The following NMNAT2 variants were observed in gnomAD, a reference collection of about 807,000 sequenced individuals.
NMNAT2 encodes the protein nicotinamide nucleotide adenylyltransferase 2, also known as nicotinamide/nicotinic acid mononucleotide adenylyltransferase 2.
Under a neutral mutation model 41.6 loss-of-function variants are expected in NMNAT2, and 11 were observed. The observed-to-expected ratio is 0.26, with a 90% CI of 0.17 to 0.44. The LOEUF (loss-of-function observed/expected upper bound fraction) is 0.44, where lower values mean the gene tolerates loss of function less well. Ranked by LOEUF, NMNAT2 falls within the 20% of genes least tolerant of loss-of-function variation. The pLI is 1.00. For missense variants in NMNAT2, 288 were observed against 407.7 expected (o/e 0.71, Z 2.53); for synonymous variants, 148 against 151.2 (o/e 0.98, Z 0.16).
chr1:183,364,166 G>A (rs1367193533), intron 1 of NMNAT2, among the ~76,000 whole-genome samples: 3 of 152,232 alleles, frequency 2.0e-5, no homozygotes, highest in African/African-American at 7.2e-5. Flanking sequence ...CAAGTACTAT[G>A]TGCAAGACCT....
intron 1 of NMNAT2, among the ~76,000 whole-genome samples, chr1:183,398,063 T>A (rs1214790368): frequency 1.3e-5 from 2 of 152,214 alleles, no homozygotes; most frequent in African/African-American, 4.8e-5. Context: ...CATAACAACA[T>A]TAACCTTAAA....
At chr1:183,281,857 T>C (rs1166118228) in intron 7 of NMNAT2, among the ~76,000 whole-genome samples, 2 of 152,206 alleles carry the variant, frequency 1.3e-5, no homozygotes, top group East Asian at 3.9e-4. Context: ...AGGGGACACG[T>C]GAGCCCCAGC....
At chr1:183,418,014 G>T (rs547497158) in intron 1 of NMNAT2, among the ~76,000 whole-genome samples, 169 bp downstream of exon 1, 1 of 152,034 alleles carries the variant, frequency 6.6e-6, no homozygotes, top group Non-Finnish European at 1.5e-5. Flanking sequence ...CGCAGTCTGC[G>T]TACCCTCCCC....
chr1:183,369,228 T>C (rs1162136340), intron 1 of NMNAT2, among the ~76,000 whole-genome samples: 1 of 151,888 alleles, frequency 6.6e-6, no homozygotes, highest in Non-Finnish European at 1.5e-5. Context: ...CCAAATCCTT[T>C]GAGGAAGGTA....
intron 8 of NMNAT2, among the ~76,000 whole-genome samples, chr1:183,265,864 T>C (rs1423828393): frequency 6.6e-6 from 1 of 152,182 alleles, no homozygotes; most frequent in African/African-American, 2.4e-5. Flanking sequence ...TTATCCTGGG[T>C]TATCTGGGCA....
rs145423975 is a variant in NMNAT2 at position 183,404,790 on chromosome 1, G to T, written c.85+13393C>A. On this transcript the variant is annotated intron_variant, in intron 1 of 10. Transcript: ENST00000287713. ...GGAAGCATTATTATATCTGCTCAAA[G>T]AAAGGAATTAGACATCTTCCCATAC... 1.2e-3 allele frequency among the ~76,000 whole-genome samples: 176 copies of T among 152,344 alleles called. 1 individual carries two copies. The highest frequency in any genetic ancestry group is 3.7e-3 in the African/African-American group (154 of 41,576).
At chr1:183,339,842 A>G (rs749925030) in intron 1 of NMNAT2, among the ~76,000 whole-genome samples, 8 of 152,158 alleles carry the variant, frequency 5.3e-5, no homozygotes, top group Non-Finnish European at 8.8e-5. Flanking sequence ...GAGGTCCTGA[A>G]GGAGCTATGT....
intron 1 of NMNAT2, among the ~76,000 whole-genome samples, chr1:183,336,313 C>T (rs1662676724): frequency 6.6e-6 from 1 of 152,196 alleles, no homozygotes; most frequent in South Asian, 2.1e-4. Context: ...CCAATAACCA[C>T]ATGACAAAGT....
At chr1:183,400,618 C>G (rs1452757808) in intron 1 of NMNAT2, among the ~76,000 whole-genome samples, 1 of 152,104 alleles carries the variant, frequency 6.6e-6, no homozygotes, top group Non-Finnish European at 1.5e-5. Flanking sequence ...CAATCCTAAG[C>G]CAAAAGAACA....
At chr1:183,253,855 G>T (rs1558105756) in intron 10 of NMNAT2, among the ~76,000 whole-genome samples, 1 of 151,976 alleles carries the variant, frequency 6.6e-6, no homozygotes, top group Non-Finnish European at 1.5e-5. Flanking sequence ...TAGCCAAGTT[G>T]TGGCAAGTGG....
chr1:183,375,256 A>C (rs151298606), intron 1 of NMNAT2, among the ~76,000 whole-genome samples: 3 of 152,206 alleles, frequency 2.0e-5, no homozygotes, highest in Non-Finnish European at 1.5e-5. Context: ...ACCCATGGCC[A>C]GTGCTTCCCT....
intron 1 of NMNAT2, among the ~76,000 whole-genome samples, chr1:183,409,424 C>T (rs1185530025): frequency 1.3e-5 from 2 of 152,152 alleles, no homozygotes; most frequent in African/African-American, 2.4e-5. Context: ...TCAAGCCATC[C>T]TCCCACCTCA....
At chr1:183,417,339 A>G (rs1462404938) in intron 1 of NMNAT2, among the ~76,000 whole-genome samples, 1 of 151,252 alleles carries the variant, frequency 6.6e-6, no homozygotes, top group African/African-American at 2.4e-5. Flanking sequence ...CCCTCCCCCC[A>G]ACACGCACAC....
chr1:183,304,695 G>C (rs377096918), intron 1 of NMNAT2: 85 of 1,613,956 alleles, frequency 5.3e-5, no homozygotes, highest in Non-Finnish European at 6.9e-5. Context: ...ACACTTCCCA[G>C]AGCCCCTGGC....
At chr1:183,405,732 A>G (rs1648938586) in intron 1 of NMNAT2, among the ~76,000 whole-genome samples, 2 of 152,194 alleles carry the variant, frequency 1.3e-5, no homozygotes, top group Admixed American at 1.3e-4. Flanking sequence ...ACTTCAAGAG[A>G]ACTTGTTTTA....
chr1:183,295,842 T>C (rs968619149), intron 1 of NMNAT2, among the ~76,000 whole-genome samples: 1 of 152,198 alleles, frequency 6.6e-6, no homozygotes, highest in East Asian at 1.9e-4. Flanking sequence ...CATGGCTCGA[T>C]AGCTCATTTC....
At chr1:183,410,555 T>C (rs1649088151) in intron 1 of NMNAT2, among the ~76,000 whole-genome samples, 1 of 151,932 alleles carries the variant, frequency 6.6e-6, no homozygotes, top group Non-Finnish European at 1.5e-5. Context: ...CTAAAAAAAA[T>C]GCTGGGTCAG....
intron 10 of NMNAT2, among the ~76,000 whole-genome samples, chr1:183,255,718 C>T (rs1023844399): frequency 1.4e-5 from 2 of 143,050 alleles, no homozygotes; most frequent in African/African-American, 5.2e-5. Flanking sequence ...GGCAGGCATG[C>T]AATGGTGTGA....
intron 1 of NMNAT2, among the ~76,000 whole-genome samples, chr1:183,315,730 G>A (rs1435732723): frequency 1.3e-5 from 2 of 148,824 alleles, no homozygotes; most frequent in African/African-American, 2.5e-5. Flanking sequence ...GCAGTGAGCC[G>A]AGGTCATGCC....
Sources: gnomAD v4.1 joint callset for allele counts (sites outside exome capture counted in the v4.1 genomes callset) on GRCh38, gnomAD v4.1.1 for gene constraint, MANE v1.5 for transcripts, NCBI Gene and HGNC (gene_info 2026-07-23, HGNC 2026-07-21) for gene names.